Variants in TRIM34 observed in about 807,000 individuals in gnomAD.
TRIM34 encodes the protein tripartite motif containing 34, also known as E3 ubiquitin-protein ligase TRIM34.
In TRIM34, 41 loss-of-function variants were observed where a neutral mutation model predicts 38.1. The observed-to-expected ratio is 1.08, with a 90% CI of 0.84 to 1.40. The LOEUF (loss-of-function observed/expected upper bound fraction) is 1.40, where lower values mean the gene tolerates loss of function less well. Ranked by LOEUF, TRIM34 falls within the 40% of genes most tolerant of loss-of-function variation. The probability of loss-of-function intolerance (pLI) is 0.00; values close to 1 mark genes in which losing one functional copy is unlikely to be tolerated. For synonymous variants in TRIM34, 200 were observed against 202.5 expected (o/e 0.99, Z 0.10); for missense variants, 556 against 571.4 (o/e 0.97, Z 0.27).
intron 5 of TRIM34, 152 bp downstream of exon 5, chr11:5,641,341 A>G: frequency 6.6e-7 from 1 of 1,505,272 alleles, no homozygotes; most frequent in South Asian, 1.3e-5. Context: ...CCCGATGAGT[A>G]TTTGAGTGTT....
At chr11:5,620,164 CTTCTTTTTTTTTTT>C (rs1848930184), upstream of TRIM34, 2 of 97,158 alleles carry the variant, frequency 2.1e-5, no homozygotes, top group African/African-American at 4.0e-5. Context: ...CCTTTTCTTT[CTTCTTTTTTTTTTT>C]TTTTTTTTTT....
intron 4 of TRIM34, among the ~76,000 whole-genome samples, chr11:5,640,921 AT>A (rs1564889999): frequency 3.7e-5 from 4 of 106,836 alleles, no homozygotes. Flanking sequence ...AGATTATCTA[AT>A]TTGTTGGCAT....
At chr11:5,636,661 A>G (rs1849746959) in intron 4 of TRIM34, among the ~76,000 whole-genome samples, 1 of 152,202 alleles carries the variant, frequency 6.6e-6, no homozygotes, top group Admixed American at 6.5e-5. Flanking sequence ...CATTTGTCCT[A>G]TTTCAGTCAG....
chr11:5,628,098 T>C (rs1334766976), intron 1 of TRIM34, among the ~76,000 whole-genome samples: 1 of 152,116 alleles, frequency 6.6e-6, no homozygotes, highest in Non-Finnish European at 1.5e-5. Flanking sequence ...AGTGGTGGGG[T>C]CATTTCTCAC....
intron 7 of TRIM34, 37 bp downstream of exon 7, chr11:5,642,880 A>G (rs761865061): frequency 6.8e-6 from 11 of 1,612,932 alleles, no homozygotes; most frequent in Admixed American, 6.7e-5. Flanking sequence ...CTGTTTTCCA[A>G]TTACCTTTCA....
upstream of TRIM34, among the ~76,000 whole-genome samples, chr11:5,621,635 G>C (rs1033151296): frequency 6.6e-6 from 1 of 152,162 alleles, no homozygotes; most frequent in African/African-American, 2.4e-5. Context: ...AATAAATCTT[G>C]GAGCTTCAAA....
In TRIM34 at chr11:5,642,412, G is replaced by T. The variant is rs1850052439; in HGVS notation, c.780G>T (p.Glu260Asp). The stretch of plus-strand genomic sequence containing the variant: ...AAATTTTTTTCATCCCTAGGAGTGA[G>T]ATCTGGAGGCTGAAAAAGCCAAAAA... ...QDMSGIMKWS[E>D]IWRLKKPKMV... Residue 260 changes from glutamate (E) to aspartate (D), a missense_variant, in exon 6 of 8, where the codon GAG (glutamate) becomes GAT (aspartate). Transcript: ENST00000429814. 2 of 1,612,778 alleles carry T rather than the reference G, an allele frequency of 1.2e-6. No individual in the cohort carries two copies. The highest frequency in any genetic ancestry group is 1.7e-6 in the Non-Finnish European group (2 of 1,179,960).
chr11:5,626,351 A>G (rs1849232376), intron 1 of TRIM34, among the ~76,000 whole-genome samples: 1 of 152,242 alleles, frequency 6.6e-6, no homozygotes, highest in African/African-American at 2.4e-5. Flanking sequence ...GACTAATACT[A>G]TGGAGTAACA....
At chr11:5,627,963 A>C (rs1849315832) in intron 1 of TRIM34, among the ~76,000 whole-genome samples, 1 of 152,244 alleles carries the variant, frequency 6.6e-6, no homozygotes, top group African/African-American at 2.4e-5. Flanking sequence ...GAGAAGACTC[A>C]AATGAAGGGT....
chr11:5,642,839 C>T lies in TRIM34; in HGVS notation c.897C>T (p.Tyr299=). Residue 299 remains tyrosine (Y), a synonymous_variant, in exon 7 of 8, where the codon TAC becomes TAT. Coordinates refer to ENST00000429814, the MANE Select transcript of TRIM34 (RefSeq NM_021616.6). ...MFRELTAVRC[Y]WVDVTLNSVN... ...CAGAACTGACAGCTGTCCGGTGCTACTGGGGTAAGAAAAAGTTAGTCTTTA... is the reference window on the plus strand; with the variant it reads ...CAGAACTGACAGCTGTCCGGTGCTATTGGGGTAAGAAAAAGTTAGTCTTTA... 2 of 1,613,932 alleles carry T rather than the reference C, an allele frequency of 1.2e-6. No individual in the cohort carries two copies. Among genetic ancestry groups the T allele is most frequent in the Middle Eastern group, 1.7e-4 (1 of 6,060 alleles).
chr11:5,643,866 G>C lies in TRIM34; in HGVS notation c.*157G>C. On this transcript the variant is annotated 3_prime_UTR_variant, in exon 8 of 8. Transcript: ENST00000429814. Reference sequence around the variant, plus strand: ...GGTGTATTTGGCTTGAGTTATGAGAGATGCTTATTTATTCATTTACTCTTT... The same window carrying C: ...GGTGTATTTGGCTTGAGTTATGAGACATGCTTATTTATTCATTTACTCTTT... 1 of 951,568 alleles carries C rather than the reference G, an allele frequency of 1.1e-6. No individual in the cohort carries two copies. The highest frequency in any genetic ancestry group is 2.8e-5 in the Admixed American group (1 of 35,274). The allele number at this position is 951,568 out of a possible 1,614,324, so 58.9% of individuals were successfully genotyped here.
chr11:5,622,431 C>T (rs572899130), upstream of TRIM34, among the ~76,000 whole-genome samples: 189 of 142,952 alleles, frequency 1.3e-3, no homozygotes, highest in African/African-American at 3.2e-3. Flanking sequence ...GGCGACAGAG[C>T]GAGACTACCT....
At chr11:5,638,620 G>C (rs945740547) in intron 4 of TRIM34, among the ~76,000 whole-genome samples, 1 of 152,196 alleles carries the variant, frequency 6.6e-6, no homozygotes. Context: ...AAATGTTTTA[G>C]TGTCTGGGAC....
At chr11:5,635,995 A>C (rs937962792) in intron 4 of TRIM34, among the ~76,000 whole-genome samples, 3 of 152,230 alleles carry the variant, frequency 2.0e-5, no homozygotes, top group Non-Finnish European at 2.9e-5. Context: ...TCAGAAATGT[A>C]AAGAGAGTTC....
chr11:5,625,520 G>A (rs757725401), intron 1 of TRIM34, among the ~76,000 whole-genome samples: 17 of 152,280 alleles, frequency 1.1e-4, no homozygotes, highest in Non-Finnish European at 2.4e-4. Flanking sequence ...AGTATGTGGC[G>A]TCAGATAGAA....
At chr11:5,628,030 G>A (rs1451866114) in intron 1 of TRIM34, among the ~76,000 whole-genome samples, 4 of 152,202 alleles carry the variant, frequency 2.6e-5, no homozygotes, top group African/African-American at 9.7e-5. Context: ...CAGGCCAATG[G>A]CACTCATGTT....
rs1364153459 is a variant in TRIM34, at chr11:5,641,152, C to G, written c.751-15C>G. The G allele has an allele frequency of 6.2e-7, 1 of 1,609,676 alleles. No homozygotes were observed. Among genetic ancestry groups the G allele is most frequent in the Admixed American group, 1.7e-5 (1 of 59,766 alleles). ...CTTTATACACTTTGACTCATGTTTT[C>G]TCTTTTCTTTCTAGGACATGAGTGG... On this transcript the variant is annotated splice_polypyrimidine_tract_variant and intron_variant, in intron 4 of 7. Coordinates refer to ENST00000429814, the MANE Select transcript of TRIM34 (RefSeq NM_021616.6).
rs1250695249 is a variant in TRIM34, at chr11:5,634,805, G to C, written c.694G>C (p.Glu232Gln). The change falls in exon 4 of 8, where the codon GAG (glutamate) becomes CAG (glutamine). Residue 232 changes from glutamate (E) to glutamine (Q), a missense_variant. Coordinates refer to ENST00000429814, the MANE Select transcript of TRIM34 (RefSeq NM_021616.6). ...AGTTCAGCAGAAGCAGTTGGTGAGA[G>C]AGCTCATCTCAGATGTGGAGTGTCG... Reference protein sequence around the residue: ...ELVQQKQLVRELISDVECRSQ... With the variant: ...ELVQQKQLVRQLISDVECRSQ... The C allele has an allele frequency of 1.2e-6, 2 of 1,613,678 alleles. No homozygotes were observed. Among genetic ancestry groups the C allele is most frequent in the Admixed American group, 1.7e-5 (1 of 59,990 alleles).
Position 5,642,496 on chromosome 11 carries a change from A to G in TRIM34, c.864A>G (p.Gln288=). Reference sequence around the variant, plus strand: ...CTCCAGATCTGAGTAGGATGCTGCAAATGTTTAGAGGTGAGGAGAAGCAGA... The same window carrying G: ...CTCCAGATCTGAGTAGGATGCTGCAGATGTTTAGAGGTGAGGAGAAGCAGA... ...FHAPDLSRML[Q]MFRELTAVRC... The change falls in exon 6 of 8, where the codon CAA becomes CAG. Residue 288 remains glutamine, a synonymous_variant. Coordinates refer to ENST00000429814, the MANE Select transcript of TRIM34 (RefSeq NM_021616.6). The G allele has an allele frequency of 1.2e-6, 2 of 1,613,850 alleles. No homozygotes were observed. Among genetic ancestry groups the G allele is most frequent in the Admixed American group, 1.7e-5 (1 of 59,992 alleles).
Sources: gnomAD v4.1 joint callset for allele counts (sites outside exome capture counted in the v4.1 genomes callset) on GRCh38, gnomAD v4.1.1 for gene constraint, MANE v1.5 for transcripts, NCBI Gene and HGNC (gene_info 2026-07-23, HGNC 2026-07-21) for gene names.